The following PAK6 variants were observed in gnomAD, a reference collection of about 807,000 sequenced individuals.
PAK6 encodes serine/threonine-protein kinase PAK 6.
In PAK6, 33 loss-of-function variants were observed where a neutral mutation model predicts 60.8. That is an observed-to-expected ratio of 0.54 (90% CI 0.41 to 0.73). The LOEUF (loss-of-function observed/expected upper bound fraction) is 0.73. Ranked by LOEUF, PAK6 falls within the 30% of genes least tolerant of loss-of-function variation. The pLI is 0.00. For missense variants in PAK6, 845 were observed against 904.1 expected (o/e 0.93, Z 0.84); for synonymous variants, 404 against 378.5 (o/e 1.07, Z -0.78).
intron 4 of PAK6, 95 bp from the exon 5 acceptor site, chr15:40,265,747 G>C: frequency 1.7e-6 from 2 of 1,178,246 alleles, no homozygotes; most frequent in South Asian, 3.4e-5. Flanking sequence ...TCCTCCCCAG[G>C]GCCCCCAGGG....
chr15:40,239,754 A>G (rs1595557597), exon 1 of PAK6: 1 of 153,166 alleles, frequency 6.5e-6, no homozygotes, highest in Non-Finnish European at 1.5e-5. Context: ...CTGGGGTCGG[A>G]GTGGCATTTG....
At chr15:40,269,604 G>A (rs2039245431) in intron 5 of PAK6, among the ~76,000 whole-genome samples, 1 of 152,212 alleles carries the variant, frequency 6.6e-6, no homozygotes, top group Non-Finnish European at 1.5e-5. Context: ...CCTTGCTTGT[G>A]ATTACATTGA....
At chr15:40,244,263 G>A (rs1471170075) in intron 2 of PAK6, among the ~76,000 whole-genome samples, 10 of 150,176 alleles carry the variant, frequency 6.7e-5, no homozygotes, top group Non-Finnish European at 1.2e-4. Flanking sequence ...CCCAGGAGGC[G>A]GAGGTTGTAG....
intron 3 of PAK6, 96 bp from the exon 4 acceptor site, chr15:40,264,685 G>T (rs1180052427): frequency 2.0e-6 from 2 of 986,422 alleles, no homozygotes; most frequent in Non-Finnish European, 3.2e-6. Flanking sequence ...GAGCTGTGCT[G>T]GGGGAGGGGA....
At chr15:40,273,630 A>G in exon 9 of PAK6, 13 of 1,614,056 alleles carry the variant, frequency 8.1e-6, no homozygotes, top group Non-Finnish European at 1.1e-5. Context: ...GGAACCCCCT[A>G]CTGGATGGCT....
intron 2 of PAK6, among the ~76,000 whole-genome samples, chr15:40,243,877 T>C (rs1297622063): frequency 6.6e-6 from 1 of 152,182 alleles, no homozygotes; most frequent in East Asian, 1.9e-4. Context: ...CTACTCCTTT[T>C]GGGGACTGGA....
In PAK6 at chr15:40,270,053, C is replaced by T. The variant is rs146289352; in HGVS notation, c.859-2171C>T. Among the ~76,000 whole-genome samples the T allele has an allele frequency of 2.0e-5, 3 of 152,330 alleles. No homozygotes were observed. In the East Asian group the frequency reaches 5.8e-4, roughly 29 times the overall value. ...GTCCCCAAGCTTCTGCCCCGACCCA[C>T]CTGGATGGGTGCCTGGAGAGCATGT... is the stretch of plus-strand genomic sequence containing the variant. On this transcript the variant is annotated intron_variant, in intron 5 of 10. Transcript: ENST00000560346.
rs35955279 is a variant in PAK6 at position 40,275,839 on chromosome 15, G to A, written c.1879-88G>A. ...GAAGTTAAAAAACCAGCGAATTCATGACTTTCAAACAATGATAAGTCCAGG... is the reference window on the plus strand; with the variant it reads ...GAAGTTAAAAAACCAGCGAATTCATAACTTTCAAACAATGATAAGTCCAGG... On this transcript the variant is annotated intron_variant, in intron 10 of 10. Transcript: ENST00000560346. 6.1e-3 allele frequency: 7,835 copies of A among 1,286,410 alleles called. 357 individuals are homozygous for A. The African/African-American group carries it at 0.1, about 17-fold the overall frequency. The allele number at this position is 1,286,410 out of a possible 1,614,324, so 79.7% of individuals were successfully genotyped here. A position where few individuals can be genotyped will look rare whatever the true frequency, so the allele number is the denominator to read the frequency against.
intron 4 of PAK6, 23 bp from the exon 5 acceptor site, chr15:40,265,819 A>T: frequency 6.7e-7 from 1 of 1,501,244 alleles, no homozygotes. Context: ...GCTCCCACAC[A>T]CTCTTTTCTC....
At chr15:40,275,218 C>T (rs780130372) in intron 10 of PAK6, among the ~76,000 whole-genome samples, 1 of 146,244 alleles carries the variant, frequency 6.8e-6, no homozygotes, top group Non-Finnish European at 1.5e-5. Flanking sequence ...TCAGGTCTCA[C>T]TTTATTTTCT....
At chr15:40,254,856 A>G (rs1595577173) in intron 3 of PAK6, among the ~76,000 whole-genome samples, 1 of 152,204 alleles carries the variant, frequency 6.6e-6, no homozygotes, top group Non-Finnish European at 1.5e-5. Flanking sequence ...CAGTCTATCC[A>G]TGTGGTGGGC....
chr15:40,263,958 G>A (rs2039051253), intron 3 of PAK6: 1 of 456,044 alleles, frequency 2.2e-6, no homozygotes, highest in Non-Finnish European at 4.4e-6. Context: ...AGAGAGAAGA[G>A]TGTCAAGGGG....
At chr15:40,253,270 G>A (rs568475219) in exon 3 of PAK6, 1 of 455,934 alleles carries the variant, frequency 2.2e-6, no homozygotes, top group African/African-American at 2.0e-5. Flanking sequence ...TCGCGAGGAA[G>A]AGGCGGAAGG....
chr15:40,240,493 C>A, intron 1 of PAK6, 106 bp from the exon 2 acceptor site: 1 of 359,604 alleles, frequency 2.8e-6, no homozygotes, highest in South Asian at 2.1e-5. Context: ...CCCACAGTGG[C>A]AGGACAATAC....
chr15:40,275,101 C>G (rs1201321338), intron 10 of PAK6, among the ~76,000 whole-genome samples: 4 of 152,134 alleles, frequency 2.6e-5, no homozygotes. Flanking sequence ...AGGATGTAGC[C>G]TTCTGCCCAA....
At chr15:40,247,660 G>A (rs1226065702) in intron 2 of PAK6, among the ~76,000 whole-genome samples, 1 of 152,176 alleles carries the variant, frequency 6.6e-6, no homozygotes, top group East Asian at 1.9e-4. Context: ...TTCTGCTGAG[G>A]CCCAGGGTAT....
chr15:40,268,561 C>T (rs553469231), intron 5 of PAK6, among the ~76,000 whole-genome samples: 9 of 152,206 alleles, frequency 5.9e-5, no homozygotes, highest in Non-Finnish European at 1.0e-4. Context: ...CTGGGGCTGA[C>T]TCTGGACACT....
intron 2 of PAK6, 132 bp from the exon 3 acceptor site, chr15:40,253,046 C>T: frequency 5.2e-6 from 2 of 388,162 alleles, no homozygotes; most frequent in Non-Finnish European, 9.8e-6. Flanking sequence ...CCGCCTCTTG[C>T]ACCTGAGCCA....
intron 5 of PAK6, 99 bp from the exon 6 acceptor site, chr15:40,272,125 G>C: frequency 7.4e-7 from 1 of 1,351,646 alleles, no homozygotes; most frequent in Non-Finnish European, 1.0e-6. Context: ...GCCTGACCCT[G>C]CCAGAGTCCA....
Sources: allele counts gnomAD v4.1 joint callset (sites outside exome capture counted in the v4.1 genomes callset), GRCh38; gene constraint gnomAD v4.1.1; transcripts MANE v1.5; gene names NCBI Gene and HGNC (gene_info 2026-07-23, HGNC 2026-07-21).